The following PDK1 variants were observed in gnomAD, a reference collection of about 807,000 sequenced individuals.
PDK1 encodes the protein [Pyruvate dehydrogenase (acetyl-transferring)] kinase isozyme 1, mitochondrial.
In PDK1, 39 loss-of-function variants were observed where a neutral mutation model predicts 54.2. That is an observed-to-expected ratio of 0.72 (90% CI 0.56 to 0.94). PDK1 has a LOEUF of 0.94. PDK1 is among the 40% of genes least tolerant of loss of function. The probability of loss-of-function intolerance (pLI) is 0.00; values close to 1 mark genes in which losing one functional copy is unlikely to be tolerated. For missense variants in PDK1, 552 were observed against 566.0 expected (o/e 0.98, Z 0.25); for synonymous variants, 221 against 207.1 (o/e 1.07, Z -0.58).
At chr2:172,721,264 T>C in the PDK1 span, among the ~76,000 whole-genome samples, 3 of 152,210 alleles carry the variant, frequency 2.0e-5, no homozygotes, top group Non-Finnish European at 2.9e-5. Flanking sequence ...TTATCTGTAG[T>C]TTTTCTTATT....
the PDK1 span, among the ~76,000 whole-genome samples, chr2:172,706,991 A>T: frequency 6.6e-6 from 1 of 152,178 alleles, no homozygotes; most frequent in East Asian, 1.9e-4. Context: ...ACCACCAGCT[A>T]GGAGGGAGTT....
chr2:172,666,711 C>G, the PDK1 span, among the ~76,000 whole-genome samples: 1 of 151,960 alleles, frequency 6.6e-6, no homozygotes, highest in African/African-American at 2.4e-5. Flanking sequence ...AGTAGGTGAC[C>G]GGGGTGACTA....
downstream of PDK1, among the ~76,000 whole-genome samples, chr2:172,609,365 G>A (rs1229041914): frequency 6.6e-6 from 1 of 152,056 alleles, no homozygotes; most frequent in African/African-American, 2.4e-5. Context: ...GTAAACAACT[G>A]GACTTCTTCC....
chr2:172,700,212 C>G, the PDK1 span, among the ~76,000 whole-genome samples: 3 of 152,188 alleles, frequency 2.0e-5, no homozygotes, highest in Admixed American at 6.5e-5. Context: ...ACACTTCCCC[C>G]CTTTCTATTC....
chr2:172,622,077 TTATG>T, the PDK1 span, among the ~76,000 whole-genome samples: 7,704 of 137,534 alleles, frequency 0.056, 937 homozygotes, highest in East Asian at 0.53. Flanking sequence ...ATCTCATATA[TTATG>T]TGAGATATGT....
chr2:172,624,857 G>A, the PDK1 span, among the ~76,000 whole-genome samples: 3 of 152,050 alleles, frequency 2.0e-5, no homozygotes, highest in Non-Finnish European at 4.4e-5. Flanking sequence ...GCGTGGTGTT[G>A]TGCACCTGTA....
chr2:172,688,722 A>C, the PDK1 span, among the ~76,000 whole-genome samples: 2 of 151,974 alleles, frequency 1.3e-5, no homozygotes, highest in Non-Finnish European at 2.9e-5. Flanking sequence ...GCCTCAGTGC[A>C]CTCCCCCTAG....
intron 8 of PDK1, among the ~76,000 whole-genome samples, chr2:172,571,599 T>G (rs991277646): frequency 1.3e-5 from 2 of 152,126 alleles, no homozygotes; most frequent in Admixed American, 1.3e-4. Context: ...TCAAAACACC[T>G]GGCCTCAAGT....
the PDK1 span, among the ~76,000 whole-genome samples, chr2:172,705,131 G>A: frequency 3.3e-5 from 5 of 152,180 alleles, no homozygotes; most frequent in South Asian, 2.1e-4. Flanking sequence ...CACTTTGAGC[G>A]GGCAGATTTA....
the PDK1 span, among the ~76,000 whole-genome samples, chr2:172,668,906 TAGAGAGAGAGAGAGAGAG>T: frequency 6.1e-5 from 8 of 130,638 alleles, 1 homozygote; most frequent in South Asian, 1.8e-3. Flanking sequence ...TATATATATA[TAGAGAGAGAGAGAGAGAG>T]AGAGAGAGAG....
At chr2:172,666,301 C>T in the PDK1 span, among the ~76,000 whole-genome samples, 1 of 152,154 alleles carries the variant, frequency 6.6e-6, no homozygotes, top group Non-Finnish European at 1.5e-5. Flanking sequence ...GAAGACATTC[C>T]TGTAGGTATC....
chr2:172,675,422 A>G, the PDK1 span, among the ~76,000 whole-genome samples: 2 of 152,194 alleles, frequency 1.3e-5, no homozygotes, highest in Non-Finnish European at 2.9e-5. Flanking sequence ...TACAAATGCT[A>G]CTCTAGTGAG....
intron 3 of PDK1, 84 bp from the exon 4 acceptor site, chr2:172,564,419 C>T: frequency 9.4e-7 from 1 of 1,060,006 alleles, no homozygotes; most frequent in Non-Finnish European, 1.4e-6. Context: ...GATTTTTTGT[C>T]TAGCATAGTT....
At chr2:172,590,974 C>G (rs1178333597) in intron 9 of PDK1, among the ~76,000 whole-genome samples, 1 of 152,252 alleles carries the variant, frequency 6.6e-6, no homozygotes, top group East Asian at 1.9e-4. Flanking sequence ...GCGATGACCG[C>G]TGTAGCTACT....
the PDK1 span, among the ~76,000 whole-genome samples, chr2:172,672,479 G>A: frequency 6.6e-6 from 1 of 152,060 alleles, no homozygotes; most frequent in African/African-American, 2.4e-5. Flanking sequence ...GACCCCAAAA[G>A]GCTGCTGAGA....
At chr2:172,712,160 T>A in the PDK1 span, among the ~76,000 whole-genome samples, 1 of 152,126 alleles carries the variant, frequency 6.6e-6, no homozygotes, top group African/African-American at 2.4e-5. Context: ...AACCCATGGG[T>A]TTTCAGTTTC....
the PDK1 span, chr2:172,674,501 G>A: frequency 1.3e-5 from 2 of 152,590 alleles, no homozygotes; most frequent in South Asian, 4.1e-4. Flanking sequence ...GGGAGTCTGG[G>A]TTGAATGCCA....
intron 10 of PDK1, among the ~76,000 whole-genome samples, chr2:172,593,525 C>A (rs191423818): frequency 4.2e-4 from 64 of 152,304 alleles, no homozygotes; most frequent in Non-Finnish European, 5.0e-4. Context: ...TTACAGATAC[C>A]TCCTGACTGA....
chr2:172,592,381 TTCTC>T (rs1001100921), intron 9 of PDK1, among the ~76,000 whole-genome samples: 3 of 151,306 alleles, frequency 2.0e-5, no homozygotes, highest in African/African-American at 2.4e-5. Context: ...GTGTCTCTCT[TTCTC>T]TCTCTCTCTG....
Sources: allele counts gnomAD v4.1 joint callset (sites outside exome capture counted in the v4.1 genomes callset), GRCh38; gene constraint gnomAD v4.1.1; transcripts MANE v1.5; gene names NCBI Gene and HGNC (gene_info 2026-07-23, HGNC 2026-07-21).